Variants in DEPDC1B observed in about 807,000 individuals in gnomAD.
DEPDC1B encodes the protein DEP domain containing 1B, also known as DEP domain-containing protein 1B.
DEPDC1B carries 51 observed loss-of-function variants against 66.5 expected under a neutral mutation model. That is an observed-to-expected ratio of 0.77 (90% CI 0.61 to 0.97). The LOEUF (loss-of-function observed/expected upper bound fraction) is 0.97, where lower values mean the gene tolerates loss of function less well. DEPDC1B is among the 50% of genes least tolerant of loss of function. The pLI is 0.00. For missense variants in DEPDC1B, 552 were observed against 637.1 expected, an observed-to-expected ratio of 0.87 and a Z score of 1.44; for synonymous variants, 226 against 223.6, an observed-to-expected ratio of 1.01 and a Z score of -0.10.
At chr5:60,624,836 G>A (rs1472976231) in intron 7 of DEPDC1B, among the ~76,000 whole-genome samples, 3 of 152,162 alleles carry the variant, frequency 2.0e-5, no homozygotes, top group East Asian at 3.9e-4. Context: ...CCAAAGTAAT[G>A]TCAAACCAAA....
At chr5:60,635,253 C>G (rs1442758196) in intron 7 of DEPDC1B, among the ~76,000 whole-genome samples, 2 of 151,994 alleles carry the variant, frequency 1.3e-5, no homozygotes, top group South Asian at 4.1e-4. Flanking sequence ...GGATAGGGAC[C>G]CTGACATAAC....
intron 2 of DEPDC1B, among the ~76,000 whole-genome samples, chr5:60,675,394 G>A (rs559614329): frequency 5.3e-5 from 8 of 152,238 alleles, no homozygotes; most frequent in African/African-American, 1.9e-4. Context: ...CAGTCACCCA[G>A]CTCCAGGGAC....
At chr5:60,598,696 T>C (rs1752143705) in intron 10 of DEPDC1B, among the ~76,000 whole-genome samples, 2 of 152,224 alleles carry the variant, frequency 1.3e-5, no homozygotes, top group Admixed American at 6.5e-5. Context: ...CTAAACATTT[T>C]ACACCTGTGA....
chr5:60,690,498 A>G (rs1188806398), intron 1 of DEPDC1B, among the ~76,000 whole-genome samples: 3 of 152,236 alleles, frequency 2.0e-5, no homozygotes, highest in Non-Finnish European at 2.9e-5. Context: ...ATTGTGTAAC[A>G]TATTTCTAAT....
At chr5:60,609,351 C>T (rs1306988899) in intron 7 of DEPDC1B, among the ~76,000 whole-genome samples, 5 of 152,168 alleles carry the variant, frequency 3.3e-5, no homozygotes, top group Non-Finnish European at 7.3e-5. Context: ...CAACTGTCAA[C>T]CTTCCTATTT....
chr5:60,640,692 T>C (rs535637092), intron 6 of DEPDC1B, among the ~76,000 whole-genome samples: 1 of 152,114 alleles, frequency 6.6e-6, no homozygotes, highest in Non-Finnish European at 1.5e-5. Flanking sequence ...GGTGTGACAA[T>C]AAACACAGAT....
At chr5:60,613,810 G>T (rs1409196893) in intron 7 of DEPDC1B, among the ~76,000 whole-genome samples, 1 of 117,344 alleles carries the variant, frequency 8.5e-6, no homozygotes, top group African/African-American at 3.3e-5. Context: ...GTGTGTGTGT[G>T]TGTGTGTGTG....
At chr5:60,651,519 A>C (rs1456524991) in intron 2 of DEPDC1B, among the ~76,000 whole-genome samples, 1 of 150,662 alleles carries the variant, frequency 6.6e-6, no homozygotes, top group African/African-American at 2.5e-5. Flanking sequence ...CAACAGAGAG[A>C]GACTCCACCT....
intron 1 of DEPDC1B, among the ~76,000 whole-genome samples, chr5:60,691,072 G>A (rs1013428198): frequency 1.0e-5 from 1 of 96,480 alleles, no homozygotes; most frequent in Non-Finnish European, 2.0e-5. Context: ...TTTTTTTTTT[G>A]AGACGGAGTC....
At chr5:60,621,618 G>C (rs1042698580) in intron 7 of DEPDC1B, among the ~76,000 whole-genome samples, 1 of 148,226 alleles carries the variant, frequency 6.7e-6, no homozygotes, top group Admixed American at 6.7e-5. Context: ...CACCAACATG[G>C]CTCATGTATA....
chr5:60,601,013 G>A (rs1025896782), intron 9 of DEPDC1B, among the ~76,000 whole-genome samples: 1 of 152,150 alleles, frequency 6.6e-6, no homozygotes, highest in African/African-American at 2.4e-5. Flanking sequence ...ATGGTTTTAT[G>A]AGGGGCTTTT....
At chr5:60,616,666 G>A (rs1752562755) in intron 7 of DEPDC1B, among the ~76,000 whole-genome samples, 1 of 152,212 alleles carries the variant, frequency 6.6e-6, no homozygotes, top group Non-Finnish European at 1.5e-5. Context: ...TCTGATTGGT[G>A]TACCTGAAAG....
In DEPDC1B at chr5:60,624,795, A is replaced by G. The variant is rs557551832; in HGVS notation, c.898+13955T>C. ...GTGCAGGTTTGTAACACAGGTATAC[A>G]TGTGCCATGGTGGTTTGTGGCACCC... is the stretch of plus-strand genomic sequence containing the variant. On this transcript the variant is annotated intron_variant, in intron 7 of 10. Transcript: ENST00000265036. 5.3e-5 allele frequency among the ~76,000 whole-genome samples: 8 copies of G among 152,288 alleles called. No homozygotes were observed. The South Asian group carries it at 1.7e-3, about 32-fold the overall frequency.
chr5:60,674,804 G>A (rs1421270460), intron 2 of DEPDC1B, among the ~76,000 whole-genome samples: 2 of 152,114 alleles, frequency 1.3e-5, no homozygotes, highest in Admixed American at 1.3e-4. Flanking sequence ...AAGGAATTTG[G>A]AGATACCAAA....
At chr5:60,614,422 A>G (rs1301875291) in intron 7 of DEPDC1B, among the ~76,000 whole-genome samples, 4 of 152,078 alleles carry the variant, frequency 2.6e-5, no homozygotes, top group Non-Finnish European at 5.9e-5. Context: ...GGCTAGGTTC[A>G]AGGGATCCTT....
Position 60,599,298 on chromosome 5 carries a change from A to AT in DEPDC1B, c.1243-39dup, listed in dbSNP as rs745724915. ...GATTAGTAGTGAAAGAATATAGCAT[A>AT]TTTTCAAATAAATTATAAGAATTAG... On this transcript the variant is annotated intron_variant, in intron 9 of 10. Transcript: ENST00000265036. The AT allele has an allele frequency of 3.4e-5, 50 of 1,459,448 alleles. No homozygotes were observed. In the South Asian group the frequency reaches 6.6e-4, roughly 19 times the overall value. The allele number at this position is 1,459,448 out of a possible 1,614,324, so 90.4% of individuals were successfully genotyped here.
At chr5:60,666,366 A>C (rs1001401756) in intron 2 of DEPDC1B, among the ~76,000 whole-genome samples, 1 of 152,190 alleles carries the variant, frequency 6.6e-6, no homozygotes, top group Admixed American at 6.5e-5. Flanking sequence ...CCGTGAAGCC[A>C]AGAATCCCAG....
At chr5:60,659,961 G>C (rs972391054) in intron 2 of DEPDC1B, among the ~76,000 whole-genome samples, 1 of 152,102 alleles carries the variant, frequency 6.6e-6, no homozygotes, top group African/African-American at 2.4e-5. Flanking sequence ...CACCACCCTT[G>C]CAGGGCCTTA....
chr5:60,694,767 G>T (rs573950715), intron 1 of DEPDC1B, among the ~76,000 whole-genome samples: 1 of 152,112 alleles, frequency 6.6e-6, no homozygotes. Flanking sequence ...AAAGTTAATC[G>T]ATTTTGTTCA....
Sources: gnomAD v4.1 joint callset for allele counts (sites outside exome capture counted in the v4.1 genomes callset) on GRCh38, gnomAD v4.1.1 for gene constraint, MANE v1.5 for transcripts, NCBI Gene and HGNC (gene_info 2026-07-23, HGNC 2026-07-21) for gene names.